KCNMA1: variants seen among roughly 807,000 people sequenced by gnomAD.
The protein encoded by KCNMA1 is Calcium-activated potassium channel subunit alpha-1.
Under a neutral mutation model 140.0 loss-of-function variants are expected in KCNMA1, and 29 were observed. The observed-to-expected ratio is 0.21, with a 90% CI of 0.15 to 0.28. KCNMA1 has a LOEUF of 0.28. Ranked by LOEUF, KCNMA1 falls within the 10% of genes least tolerant of loss-of-function variation. KCNMA1 has a pLI of 1.00. For synonymous variants in KCNMA1, 612 were observed against 611.9 expected (o/e 1.00, Z 0.00); for missense variants, 880 against 1,602.2 (o/e 0.55, Z 7.70).
chr10:76,921,219 A>G (rs2055637679), intron 23 of KCNMA1, among the ~76,000 whole-genome samples: 1 of 152,190 alleles, frequency 6.6e-6, no homozygotes, highest in African/African-American at 2.4e-5. Flanking sequence ...TAGGGAAATA[A>G]ATTAGGCCGA....
intron 2 of KCNMA1, 120 bp downstream of exon 2, chr10:77,403,742 C>T (rs1338451812): frequency 7.1e-6 from 7 of 980,224 alleles, no homozygotes; most frequent in Non-Finnish European, 1.1e-5. Context: ...TGCTGCTCAC[C>T]CCCACCTCCC....
At chr10:77,493,058 T>TACTG in intron 1 of KCNMA1, among the ~76,000 whole-genome samples, 2 of 152,352 alleles carry the variant, frequency 1.3e-5, no homozygotes, top group South Asian at 4.1e-4. Context: ...CTCTGCTGGT[T>TACTG]GTCTTGACTC....
chr10:76,942,347 C>T lies in KCNMA1; in HGVS notation c.2902+2426G>A, dbSNP rs961879756. On this transcript the variant is annotated intron_variant, in intron 23 of 27. Coordinates refer to ENST00000286628, the MANE Select transcript of KCNMA1 (RefSeq NM_001161352.2). ...CTCTCAAAGGCCCCACCACCTAATA[C>T]CATCGCCTTGAGGGTTAGGATTTCA... Among the ~76,000 whole-genome samples, 9 of 152,306 alleles carry T rather than the reference C, an allele frequency of 5.9e-5. No individual in the cohort carries two copies. The South Asian group carries it at 6.2e-4, about 11-fold the overall frequency.
At chr10:77,197,607 T>G (rs2040954129) in intron 3 of KCNMA1, among the ~76,000 whole-genome samples, 1 of 152,202 alleles carries the variant, frequency 6.6e-6, no homozygotes, top group Non-Finnish European at 1.5e-5. Flanking sequence ...TGTATTGGAA[T>G]GCTCGCTGCT....
chr10:77,352,365 G>A (rs2092985585), intron 2 of KCNMA1, among the ~76,000 whole-genome samples: 1 of 152,188 alleles, frequency 6.6e-6, no homozygotes, highest in Non-Finnish European at 1.5e-5. Context: ...CTACACTCAT[G>A]TGCCCATTCC....
At chr10:77,293,454 A>G (rs2073988107) in intron 2 of KCNMA1, among the ~76,000 whole-genome samples, 1 of 152,196 alleles carries the variant, frequency 6.6e-6, no homozygotes, top group South Asian at 2.1e-4. Context: ...GGTACAGAAG[A>G]GGTAACCATT....
intron 1 of KCNMA1, among the ~76,000 whole-genome samples, chr10:77,546,648 T>C (rs923826899): frequency 2.0e-5 from 3 of 152,112 alleles, no homozygotes; most frequent in Non-Finnish European, 2.9e-5. Flanking sequence ...GTATCTCCAG[T>C]GGGAGAGGAA....
intron 22 of KCNMA1, among the ~76,000 whole-genome samples, chr10:76,948,447 T>C (rs1017774478): frequency 6.6e-6 from 1 of 152,252 alleles, no homozygotes; most frequent in Non-Finnish European, 1.5e-5. Context: ...GTTTGTGGAC[T>C]ATGCATTCAT....
chr10:77,451,310 C>T (rs966584523), intron 1 of KCNMA1, among the ~76,000 whole-genome samples: 9 of 152,112 alleles, frequency 5.9e-5, no homozygotes, highest in African/African-American at 2.2e-4. Context: ...CAAAGGCCAT[C>T]GGGCAGATAA....
chr10:77,121,921 G>A (rs572304013), intron 5 of KCNMA1, among the ~76,000 whole-genome samples: 3 of 152,294 alleles, frequency 2.0e-5, no homozygotes, highest in East Asian at 1.9e-4. Context: ...GTTTGTCACC[G>A]CTTTGAGACA....
intron 1 of KCNMA1, among the ~76,000 whole-genome samples, chr10:77,480,708 T>G (rs919952833): frequency 1.3e-5 from 2 of 152,048 alleles, no homozygotes; most frequent in African/African-American, 4.8e-5. Flanking sequence ...AGCCACAGCT[T>G]GCCTAGCGCA....
chr10:77,131,964 CAAAAAAA>C (rs34972346), intron 5 of KCNMA1, among the ~76,000 whole-genome samples: 11 of 92,512 alleles, frequency 1.2e-4, no homozygotes, highest in African/African-American at 4.6e-4. Context: ...GACTCGGTCT[CAAAAAAA>C]AAAAAAAAAA....
At chr10:77,181,337 A>G (rs138557790) in intron 5 of KCNMA1, among the ~76,000 whole-genome samples, 1 of 152,178 alleles carries the variant, frequency 6.6e-6, no homozygotes, top group East Asian at 1.9e-4. Context: ...CTGTGTGTGC[A>G]TGGGTATGTG....
chr10:77,227,449 C>T (rs2051887970), intron 3 of KCNMA1, among the ~76,000 whole-genome samples: 2 of 152,134 alleles, frequency 1.3e-5, no homozygotes, highest in South Asian at 2.1e-4. Context: ...TAAAACAGAA[C>T]CACCTTTGTA....
chr10:76,956,741 A>G (rs186095464), intron 20 of KCNMA1, among the ~76,000 whole-genome samples: 126 of 152,360 alleles, frequency 8.3e-4, no homozygotes, highest in African/African-American at 2.8e-3. Flanking sequence ...CAAGTGTTAC[A>G]GCAAAGTACA....
chr10:77,237,541 T>A (rs1310328254), intron 3 of KCNMA1, among the ~76,000 whole-genome samples: 1 of 152,190 alleles, frequency 6.6e-6, no homozygotes, highest in East Asian at 1.9e-4. Flanking sequence ...CACTTCTGCC[T>A]CAAACTCCTG....
chr10:77,152,174 C>A (rs146907499), intron 5 of KCNMA1, among the ~76,000 whole-genome samples: 1 of 152,204 alleles, frequency 6.6e-6, no homozygotes, highest in East Asian at 1.9e-4. Flanking sequence ...ATAGCAGGTG[C>A]TAAATAAATG....
At chr10:77,084,177 C>T (rs2096644493) in intron 12 of KCNMA1, among the ~76,000 whole-genome samples, 1 of 152,112 alleles carries the variant, frequency 6.6e-6, no homozygotes, top group African/African-American at 2.4e-5. Flanking sequence ...TTCGCAGTGT[C>T]CCTGGGCTCT....
chr10:77,390,729 C>T (rs1181376380), intron 2 of KCNMA1, among the ~76,000 whole-genome samples: 1 of 152,244 alleles, frequency 6.6e-6, no homozygotes, highest in Non-Finnish European at 1.5e-5. Flanking sequence ...TCCCAGTACA[C>T]TTCCAAACCC....
Sources: allele counts gnomAD v4.1 joint callset (sites outside exome capture counted in the v4.1 genomes callset), GRCh38; gene constraint gnomAD v4.1.1; transcripts MANE v1.5; gene names NCBI Gene and HGNC (gene_info 2026-07-23, HGNC 2026-07-21).